LATS1: variants seen among roughly 807,000 people sequenced by gnomAD.
LATS1 encodes the protein large tumor suppressor kinase 1, also known as serine/threonine-protein kinase LATS1.
In LATS1, 25 loss-of-function variants were observed where a neutral mutation model predicts 106.6. The ratio of observed to expected loss-of-function variants is 0.23; its 90% confidence interval spans 0.17 to 0.33. The LOEUF is 0.33. Ranked by LOEUF, LATS1 falls within the 10% of genes least tolerant of loss-of-function variation. LATS1 has a pLI of 1.00. For missense variants in LATS1, 1,040 were observed against 1,382.6 expected, an observed-to-expected ratio of 0.75 and a Z score of 3.93; for synonymous variants, 465 against 455.6, an observed-to-expected ratio of 1.02 and a Z score of -0.26.
chr6:149,662,590 G>A (rs1780931674), intron 7 of LATS1, among the ~76,000 whole-genome samples: 1 of 152,106 alleles, frequency 6.6e-6, no homozygotes. Flanking sequence ...ATTAAGGCTA[G>A]GGATTATGTT....
chr6:149,695,107 C>T lies in LATS1; in HGVS notation c.463G>A (p.Ala155Thr), dbSNP rs146934075. 1.3e-4 allele frequency: 209 copies of T among 1,610,714 alleles called. No individual in the cohort carries two copies. In the African/African-American group the frequency reaches 2.3e-3, roughly 18 times the overall value. ...DPRREQMAAA[A>T]ARPINASMKP... ...ATGCTGGCATTAATAGGTCTGGCAGCTGCTGCAGCCATCTGCTCTCGTCGA... is the reference window on the plus strand; with the variant it reads ...ATGCTGGCATTAATAGGTCTGGCAGTTGCTGCAGCCATCTGCTCTCGTCGA... Residue 155 changes from alanine to threonine, a missense_variant, in exon 3 of 8, where the codon GCT becomes ACT. By Grantham distance (58) the Ala-to-Thr change is moderately conservative (BLOSUM62 0). Coordinates refer to ENST00000543571, the MANE Select transcript of LATS1 (RefSeq NM_004690.4).
rs77251124 is a variant in LATS1, at chr6:149,662,983, A to G, written c.2884-745T>C. 3.4e-3 allele frequency among the ~76,000 whole-genome samples: 507 copies of G among 150,212 alleles called. 4 individuals are homozygous for G. Among genetic ancestry groups the G allele is most frequent in the African/African-American group, 0.012 (479 of 40,898 alleles). ...ACTGTCTCCAAAAAAAAAAAAAAAA[A>G]AAAAGAAAAATCTCTGGTTATGAAT... On this transcript the variant is annotated intron_variant, in intron 7 of 7. Transcript: ENST00000543571.
In LATS1 at chr6:149,684,207, C is replaced by A; in HGVS notation, c.882G>T (p.Gly294=). 2 of 1,614,050 alleles carry A rather than the reference C, an allele frequency of 1.2e-6. No homozygotes were observed. The highest frequency in any genetic ancestry group is 1.7e-6 in the Non-Finnish European group (2 of 1,180,016). ...VISRISPVPP[G]AWQEGYPPPP... is the part of the protein sequence containing the mutation. ...GTGGAGGATAGCCCTCTTGCCATGCCCCAGGTGGGACAGGAGAGATTCGGG... is the reference window on the plus strand; with the variant it reads ...GTGGAGGATAGCCCTCTTGCCATGCACCAGGTGGGACAGGAGAGATTCGGG... The change falls in exon 4 of 8, where the codon GGG becomes GGT. Residue 294 remains glycine (G), a synonymous_variant. Coordinates refer to ENST00000543571, the MANE Select transcript of LATS1 (RefSeq NM_004690.4).
intron 1 of LATS1, among the ~76,000 whole-genome samples, chr6:149,705,005 A>G (rs956054665): frequency 3.3e-5 from 5 of 151,474 alleles, no homozygotes; most frequent in Non-Finnish European, 7.4e-5. Flanking sequence ...TCACCTCATA[A>G]ATCAGTGCTC....
intron 4 of LATS1, among the ~76,000 whole-genome samples, chr6:149,681,302 GA>G (rs1321135976): frequency 6.6e-6 from 1 of 152,140 alleles, no homozygotes; most frequent in Non-Finnish European, 1.5e-5. Context: ...AAATAGAAAA[GA>G]AATCCAGTTG....
rs182801395 is a variant in LATS1 at position 149,686,866 on chromosome 6, C to T, written c.497-2274G>A. Reference sequence around the variant, plus strand: ...CCACGAGGATAAACCATCTATTGCCCTCATATCTCAGCTTCTTGACGTCCC... The same window carrying T: ...CCACGAGGATAAACCATCTATTGCCTTCATATCTCAGCTTCTTGACGTCCC... On this transcript the variant is annotated intron_variant, in intron 3 of 7. Transcript: ENST00000543571. Among the ~76,000 whole-genome samples the T allele has an allele frequency of 2.2e-4, 34 of 152,250 alleles. No individual in the cohort carries two copies. The East Asian group carries it at 5.0e-3, about 22-fold the overall frequency.
rs1418298195 is a variant in LATS1, at chr6:149,683,750, T to C, written c.1339A>G (p.Ser447Gly). 6.2e-7 allele frequency: 1 copy of C among 1,613,868 alleles called. No homozygotes were observed. Among genetic ancestry groups the C allele is most frequent in the East Asian group, 2.2e-5 (1 of 44,898 alleles). The change falls in exon 4 of 8, where the codon AGT becomes GGT. Residue 447 changes from serine (S) to glycine (G), a missense_variant. This residue lies in a region of LATS1 where 624 missense variants were observed against 714.8 expected (regional missense o/e 0.87). Coordinates refer to ENST00000543571, the MANE Select transcript of LATS1 (RefSeq NM_004690.4). Reference protein sequence around the residue: ...SSAPAQSSPSSGHEIPTWQPN... With the variant: ...SSAPAQSSPSGGHEIPTWQPN... ...TGCCATGTAGGGATTTCATGCCCAC[T>C]GCTCGGGGATGACTGGGCTGGAGCA...
At chr6:149,700,555 C>T (rs1410012967) in intron 2 of LATS1, among the ~76,000 whole-genome samples, 1 of 151,812 alleles carries the variant, frequency 6.6e-6, no homozygotes, top group Admixed American at 6.6e-5. Context: ...ACAATGCATA[C>T]TTAGGTTCTC....
chr6:149,682,888 A>C, intron 4 of LATS1, 191 bp downstream of exon 4: 1 of 574,614 alleles, frequency 1.7e-6, no homozygotes, highest in Non-Finnish European at 2.9e-6. Flanking sequence ...ATTCTGAATA[A>C]ATATTGAAAT....
At chr6:149,676,182 G>A (rs1781712554) in intron 7 of LATS1, 78 bp downstream of exon 7, 1 of 968,812 alleles carries the variant, frequency 1.0e-6, no homozygotes. Context: ...AGACTAAAAT[G>A]CTCTACGTAC....
intron 7 of LATS1, among the ~76,000 whole-genome samples, chr6:149,675,215 CAAAA>C (rs67049932): frequency 6.3e-5 from 7 of 111,616 alleles, no homozygotes; most frequent in Non-Finnish European, 4.0e-5. Context: ...GACTCTGTAT[CAAAA>C]AAAAAAAAAA....
At chr6:149,715,416 C>G (rs1189214000) in intron 1 of LATS1, among the ~76,000 whole-genome samples, 2 of 152,042 alleles carry the variant, frequency 1.3e-5, no homozygotes, top group Non-Finnish European at 2.9e-5. Context: ...TTAGGTTGTT[C>G]CTCATTTTTT....
intron 7 of LATS1, among the ~76,000 whole-genome samples, chr6:149,667,401 C>T (rs1339709385): frequency 6.4e-5 from 9 of 140,760 alleles, no homozygotes; most frequent in Admixed American, 2.2e-4. Flanking sequence ...ATCATGCCTC[C>T]GCACTCCAGC....
At chr6:149,706,236 C>T (rs1389944785) in intron 1 of LATS1, among the ~76,000 whole-genome samples, 1 of 118,406 alleles carries the variant, frequency 8.4e-6, no homozygotes, top group Non-Finnish European at 1.7e-5. Flanking sequence ...ATATTCCTGG[C>T]TTATGCCTGT....
intron 2 of LATS1, among the ~76,000 whole-genome samples, chr6:149,701,046 G>A (rs1783430334): frequency 6.6e-6 from 1 of 152,200 alleles, no homozygotes; most frequent in Non-Finnish European, 1.5e-5. Flanking sequence ...GCTTCCCAAA[G>A]GGCTGGGATT....
Position 149,701,953 on chromosome 6 carries a change from T to G in LATS1, c.174A>C (p.Ser58=). 6.2e-7 allele frequency: 1 copy of G among 1,614,186 alleles called. No homozygotes were observed. Among genetic ancestry groups the G allele is most frequent in the Non-Finnish European group, 8.5e-7 (1 of 1,180,040 alleles). The stretch of plus-strand genomic sequence containing the variant: ...TTCTGACTTGTCGAGGATCTTCGGT[T>G]GACATTTTACTCATGTTATGCTCAG... ...AKAEHNMSKM[S]TEDPRQVRNP... The change falls in exon 2 of 8, where the codon TCA becomes TCC. Residue 58 remains serine (S), a synonymous_variant. Transcript: ENST00000543571.
chr6:149,668,210 C>T (rs1420857503), intron 7 of LATS1, among the ~76,000 whole-genome samples: 7 of 151,958 alleles, frequency 4.6e-5, no homozygotes, highest in Non-Finnish European at 7.4e-5. Context: ...TGAGCCACTG[C>T]GCCCGGCCTC....
chr6:149,682,990 GAA>G (rs758055435), intron 4 of LATS1, 87 bp downstream of exon 4: 2 of 1,027,512 alleles, frequency 1.9e-6, no homozygotes, highest in East Asian at 5.3e-5. Flanking sequence ...GCTATAAAAA[GAA>G]AGAAAAATAC....
intron 1 of LATS1, among the ~76,000 whole-genome samples, chr6:149,708,338 C>A (rs1261757139): frequency 6.6e-6 from 1 of 151,150 alleles, no homozygotes; most frequent in Non-Finnish European, 1.5e-5. Flanking sequence ...TCGCTTGAAC[C>A]ACAGAGGCAG....
Sources: gnomAD v4.1 joint callset for allele counts (sites outside exome capture counted in the v4.1 genomes callset) on GRCh38, gnomAD v4.1.1 for gene constraint, gnomAD v4.1.1 regional missense constraint, MANE v1.5 for transcripts, NCBI Gene and HGNC (gene_info 2026-07-23, HGNC 2026-07-21) for gene names.